The following TENM2 variants were observed in gnomAD, a reference collection of about 807,000 sequenced individuals.
The protein encoded by TENM2 is teneurin transmembrane protein 2.
Under a neutral mutation model 245.2 loss-of-function variants are expected in TENM2, and 52 were observed. That is an observed-to-expected ratio of 0.21 (90% CI 0.17 to 0.27). The LOEUF is 0.27. Among genes scored for constraint, TENM2 ranks in the 10% least tolerant of loss-of-function variants. The pLI, the probability that TENM2 is intolerant of heterozygous loss-of-function variation, is 1.00. For missense variants in TENM2, 3,046 were observed against 3,666.8 expected (o/e 0.83, Z 4.37); for synonymous variants, 1,363 against 1,438.9 (o/e 0.95, Z 1.19).
chr5:167,646,111 C>T (rs1779911259), intron 2 of TENM2, among the ~76,000 whole-genome samples: 1 of 146,336 alleles, frequency 6.8e-6, no homozygotes. Flanking sequence ...TACACACACA[C>T]ATATATATGT....
intron 2 of TENM2, among the ~76,000 whole-genome samples, chr5:167,610,016 C>T (rs771438553): frequency 3.9e-5 from 6 of 152,044 alleles, no homozygotes; most frequent in East Asian, 1.9e-4. Flanking sequence ...CACTTTTGAT[C>T]GGCTATAAAT....
chr5:167,052,954 T>C, the TENM2 span, among the ~76,000 whole-genome samples: 1 of 152,190 alleles, frequency 6.6e-6, no homozygotes, highest in African/African-American at 2.4e-5. Flanking sequence ...TGACTAAATC[T>C]AGTCCAAACT....
chr5:167,483,203 C>A (rs556931962), intron 2 of TENM2, among the ~76,000 whole-genome samples: 1 of 152,254 alleles, frequency 6.6e-6, no homozygotes, highest in South Asian at 2.1e-4. Flanking sequence ...CAGAGTTAGC[C>A]GGCCAATTTC....
intron 14 of TENM2, among the ~76,000 whole-genome samples, chr5:168,191,264 G>A (rs1020195039): frequency 1.3e-5 from 2 of 152,234 alleles, no homozygotes; most frequent in African/African-American, 4.8e-5. Flanking sequence ...TGCTCCTGGA[G>A]AAGAGAGCAA....
intron 2 of TENM2, among the ~76,000 whole-genome samples, chr5:167,746,387 A>G (rs1022730650): frequency 6.6e-6 from 1 of 152,168 alleles, no homozygotes; most frequent in African/African-American, 2.4e-5. Context: ...TGACATGGAT[A>G]CATAGATCGA....
At chr5:167,074,685 C>T in the TENM2 span, among the ~76,000 whole-genome samples, 18 of 152,336 alleles carry the variant, frequency 1.2e-4, no homozygotes, top group South Asian at 1.2e-3. Flanking sequence ...CTGTCTACCA[C>T]GGCTAGTTTT....
At chr5:167,510,634 AAGG>A (rs892364133) in intron 2 of TENM2, among the ~76,000 whole-genome samples, 3 of 138,468 alleles carry the variant, frequency 2.2e-5, no homozygotes, top group African/African-American at 3.2e-5. Context: ...AAAAGAAAGA[AAGG>A]AAGGAAGGAA....
intron 1 of TENM2, chr5:167,306,135 G>A (rs1247854691): frequency 6.6e-6 from 1 of 152,174 alleles, no homozygotes. Flanking sequence ...TTGGAGACTC[G>A]GAGTTGTTCA....
intron 27 of TENM2, among the ~76,000 whole-genome samples, chr5:168,257,772 C>T (rs1230197076): frequency 9.9e-5 from 15 of 152,160 alleles, no homozygotes; most frequent in Non-Finnish European, 2.1e-4. Flanking sequence ...CCCGCCACCA[C>T]GCCCAGCTAA....
intron 2 of TENM2, among the ~76,000 whole-genome samples, chr5:167,738,254 AT>A (rs1760937599): frequency 6.6e-6 from 1 of 152,136 alleles, no homozygotes. Flanking sequence ...TGTTTATATA[AT>A]AAGAGCGTAG....
intron 13 of TENM2, among the ~76,000 whole-genome samples, chr5:168,165,646 C>A (rs1581508558): frequency 1.1e-4 from 2 of 18,576 alleles, no homozygotes; most frequent in African/African-American, 5.8e-4. Context: ...ATCCCCCCCC[C>A]AACCCCCCCC....
Position 167,350,765 on chromosome 5 carries a change from T to TATATATATGGGATATATACATACGG in TENM2, c.227-24425_227-24424insGGGATATATACATACGGATATATAT, listed in dbSNP as rs1561883701. On this transcript the variant is annotated intron_variant, in intron 1 of 28. Transcript: ENST00000518659. ...TATATATGGGATATATACATATGGA[T>TATATATATGGGATATATACATACGG]ATATATATATGGGATATATACATAT... 3.8e-5 allele frequency among the ~76,000 whole-genome samples: 5 copies of TATATATATGGGATATATACATACGG among 132,390 alleles called. 1 individual carries two copies. Among genetic ancestry groups the TATATATATGGGATATATACATACGG allele is most frequent in the African/African-American group, 8.8e-5 (3 of 34,202 alleles). The allele number at this position is 132,390 out of a possible 152,430, so 86.9% of individuals were successfully genotyped here.
the TENM2 span, among the ~76,000 whole-genome samples, chr5:167,223,471 T>G: frequency 6.6e-6 from 1 of 152,134 alleles, no homozygotes; most frequent in African/African-American, 2.4e-5. Context: ...CTTGCTTCAC[T>G]TAACATAATG....
intron 4 of TENM2, chr5:167,965,497 T>A (rs1027232276): frequency 1.3e-5 from 2 of 151,950 alleles, no homozygotes; most frequent in African/African-American, 4.8e-5. Context: ...TGGAAGAATC[T>A]CTTGAGCCCA....
intron 2 of TENM2, among the ~76,000 whole-genome samples, chr5:167,763,846 A>T (rs1762830213): frequency 6.6e-6 from 1 of 152,086 alleles, no homozygotes; most frequent in Non-Finnish European, 1.5e-5. Context: ...ATTTACAGTG[A>T]GCATTTTTTT....
At chr5:167,480,357 C>A (rs1767678203) in intron 2 of TENM2, among the ~76,000 whole-genome samples, 1 of 152,180 alleles carries the variant, frequency 6.6e-6, no homozygotes, top group Admixed American at 6.5e-5. Context: ...ACCTTTTTAT[C>A]AGGTACAAAA....
At chr5:167,412,525 T>C (rs1405948346) in intron 2 of TENM2, among the ~76,000 whole-genome samples, 4 of 152,234 alleles carry the variant, frequency 2.6e-5, no homozygotes, top group African/African-American at 9.6e-5. Context: ...TAGGTTTGTG[T>C]GCAACTTTTT....
Position 168,262,029 on chromosome 5 carries a change from C to G in TENM2, c.7564-20C>G, listed in dbSNP as rs758209227. The G allele has an allele frequency of 3.7e-6, 6 of 1,604,106 alleles. No homozygotes were observed. The Middle Eastern group carries it at 6.7e-4, about 178-fold the overall frequency. ...GCCCAGCTCATCTTCTCAGCTTTCT[C>G]TGTTTTCTTATCCCCACAGCTCATT... On this transcript the variant is annotated intron_variant, in intron 28 of 28. Transcript: ENST00000518659.
chr5:168,209,326 A>G (rs1762613841), intron 19 of TENM2, among the ~76,000 whole-genome samples: 1 of 152,230 alleles, frequency 6.6e-6, no homozygotes, highest in South Asian at 2.1e-4. Flanking sequence ...TTTGTCATTG[A>G]TGTCCTTGTA....
Sources: allele counts gnomAD v4.1 joint callset (sites outside exome capture counted in the v4.1 genomes callset), GRCh38; gene constraint gnomAD v4.1.1; transcripts MANE v1.5; gene names NCBI Gene and HGNC (gene_info 2026-07-23, HGNC 2026-07-21).